Variants in RELN observed in about 807,000 individuals in gnomAD.
RELN encodes reelin.
In RELN, 108 loss-of-function variants were observed where a neutral mutation model predicts 427.6. The ratio of observed to expected loss-of-function variants is 0.25; its 90% CI spans 0.22 to 0.30. The LOEUF is 0.30. RELN is among the 10% of genes least tolerant of loss of function. The pLI is 1.00. For synonymous variants in RELN, 1,524 were observed against 1,513.4 expected, an observed-to-expected ratio of 1.01 and a Z score of -0.16; for missense variants, 3,715 against 4,302.8, an observed-to-expected ratio of 0.86 and a Z score of 3.82.
intron 44 of RELN, among the ~76,000 whole-genome samples, chr7:103,539,924 AAAGTCCCTCTATC>A (rs939526646): frequency 3.3e-5 from 5 of 152,358 alleles, no homozygotes; most frequent in African/African-American, 9.6e-5. Context: ...CACGCTTGAT[AAAGTCCCTCTATC>A]CATATGGCAG....
intron 61 of RELN, among the ~76,000 whole-genome samples, chr7:103,484,759 C>T (rs1194199866): frequency 6.6e-6 from 1 of 152,150 alleles, no homozygotes; most frequent in Non-Finnish European, 1.5e-5. Context: ...GCCAAACAGA[C>T]AGCTGAGGAC....
At chr7:103,667,289 T>C (rs182996012) in intron 11 of RELN, among the ~76,000 whole-genome samples, 1 of 152,162 alleles carries the variant, frequency 6.6e-6, no homozygotes, top group Non-Finnish European at 1.5e-5. Flanking sequence ...TCATCAGGAG[T>C]GTTAACAAAT....
chr7:103,488,096 T>C (rs930032471), intron 60 of RELN, among the ~76,000 whole-genome samples: 7 of 151,556 alleles, frequency 4.6e-5, no homozygotes, highest in African/African-American at 1.7e-4. Flanking sequence ...TGTAGTGAGC[T>C]GAGATCACAC....
chr7:103,826,367 T>C (rs552863488), intron 3 of RELN, among the ~76,000 whole-genome samples: 1 of 151,516 alleles, frequency 6.6e-6, no homozygotes, highest in African/African-American at 2.4e-5. Context: ...TGTATACACA[T>C]ACATATTTAC....
At chr7:103,707,017 C>A (rs1327393049) in intron 8 of RELN, among the ~76,000 whole-genome samples, 2 of 152,174 alleles carry the variant, frequency 1.3e-5, no homozygotes, top group African/African-American at 4.8e-5. Flanking sequence ...CTGTGTTGCA[C>A]AGGCTAGAGT....
Position 103,515,437 on chromosome 7 carries a change from C to G in RELN, c.7867G>C (p.Val2623Leu). 1 of 1,614,000 alleles carries G rather than the reference C, an allele frequency of 6.2e-7. No individual in the cohort carries two copies. The highest frequency in any genetic ancestry group is 8.5e-7 in the Non-Finnish European group (1 of 1,180,022). The part of the protein sequence containing the change: ...FYDQYSKPGF[V>L]NILLPPDAKE... Reference sequence around the variant, plus strand: ...GCATCAGGAGGGAGAAGGATATTCACAAATCTATAGGAAAATGATGGGGAA... The same window carrying G: ...GCATCAGGAGGGAGAAGGATATTCAGAAATCTATAGGAAAATGATGGGGAA... Residue 2623 changes from valine to leucine, a missense_variant, in exon 50 of 65, where the codon GTG becomes CTG. By Grantham distance (32) the Val-to-Leu change is conservative. Around this residue, in one of 4 missense-constraint regions of RELN, gnomAD observed 1,310 missense variants for 1,643.0 expected, o/e 0.80. Transcript: ENST00000428762.
chr7:103,526,838 G>A (rs1385854520), intron 46 of RELN, among the ~76,000 whole-genome samples: 16 of 151,974 alleles, frequency 1.1e-4, no homozygotes, highest in Admixed American at 4.6e-4. Context: ...GGAGTTCCTC[G>A]GCAGGTGTTA....
intron 8 of RELN, among the ~76,000 whole-genome samples, chr7:103,708,963 G>T (rs1212811514): frequency 6.6e-6 from 1 of 151,972 alleles, no homozygotes; most frequent in Non-Finnish European, 1.5e-5. Flanking sequence ...CAGAATGTTG[G>T]CCCCTCCAGA....
chr7:103,776,013 T>C (rs1791729604), intron 4 of RELN, among the ~76,000 whole-genome samples: 2 of 152,232 alleles, frequency 1.3e-5, no homozygotes, highest in Admixed American at 1.3e-4. Flanking sequence ...AACTTTTTCA[T>C]TGTGCTGTGT....
intron 16 of RELN, among the ~76,000 whole-genome samples, chr7:103,648,324 C>T (rs1042295487): frequency 2.0e-5 from 3 of 152,168 alleles, no homozygotes; most frequent in Admixed American, 6.6e-5. Flanking sequence ...CCATGTAAAA[C>T]GTGCCTGCTT....
chr7:103,741,340 T>G (rs1790649489), intron 6 of RELN, among the ~76,000 whole-genome samples: 1 of 152,084 alleles, frequency 6.6e-6, no homozygotes, highest in African/African-American at 2.4e-5. Flanking sequence ...GATGTTGCTG[T>G]AATGCTATTT....
intron 49 of RELN, among the ~76,000 whole-genome samples, chr7:103,518,366 T>C (rs1829620313): frequency 1.4e-5 from 2 of 145,236 alleles, no homozygotes; most frequent in Admixed American, 7.0e-5. Context: ...GCGGTCTTAC[T>C]CTGTCACCCA....
At chr7:103,639,590 G>A (rs1381115515) in intron 17 of RELN, among the ~76,000 whole-genome samples, 2 of 151,620 alleles carry the variant, frequency 1.3e-5, no homozygotes, top group South Asian at 2.1e-4. Flanking sequence ...AGTAGAGATC[G>A]GGTCTCACCA....
At chr7:103,522,270 T>A in intron 47 of RELN, 71 bp from the exon 48 acceptor site, 2 of 1,443,000 alleles carry the variant, frequency 1.4e-6, no homozygotes, top group East Asian at 4.6e-5. Flanking sequence ...CTCAAATTAG[T>A]GAAGACTACT....
chr7:103,604,203 C>T, intron 23 of RELN, 143 bp downstream of exon 23: 1 of 927,276 alleles, frequency 1.1e-6, no homozygotes, highest in Non-Finnish European at 1.7e-6. Flanking sequence ...ATCTAAAATA[C>T]AAACAGAAAG....
At chr7:103,893,481 G>A (rs1028708120) in intron 2 of RELN, among the ~76,000 whole-genome samples, 2 of 152,132 alleles carry the variant, frequency 1.3e-5, no homozygotes, top group Non-Finnish European at 2.9e-5. Flanking sequence ...TGTTTCCTTA[G>A]CCAAATAAGG....
intron 33 of RELN, 119 bp from the exon 34 acceptor site, chr7:103,565,670 C>T (rs1830735036): frequency 1.1e-6 from 1 of 910,340 alleles, no homozygotes; most frequent in African/African-American, 1.7e-5. Context: ...TTTAGTGCCC[C>T]CTATGTGCTT....
intron 1 of RELN, among the ~76,000 whole-genome samples, chr7:103,932,396 A>T (rs1795885885): frequency 6.6e-6 from 1 of 152,156 alleles, no homozygotes; most frequent in Non-Finnish European, 1.5e-5. Flanking sequence ...GAGGATGGAG[A>T]GTGGGAGGAG....
In RELN at chr7:103,540,276, G is replaced by A; in HGVS notation, c.6851C>T (p.Ala2284Val). 6.2e-7 allele frequency: 1 copy of A among 1,614,176 alleles called. No homozygotes were observed. Among genetic ancestry groups the A allele is most frequent in the Non-Finnish European group, 8.5e-7 (1 of 1,180,030 alleles). Residue 2284 changes from alanine (A) to valine (V), a missense_variant, in exon 44 of 65, where the codon GCC becomes GTC. By Grantham distance (64) the Ala-to-Val change is moderately conservative. Around this residue, in one of 4 missense-constraint regions of RELN, gnomAD observed 1,310 missense variants for 1,643.0 expected, o/e 0.80. Coordinates refer to ENST00000428762, the MANE Select transcript of RELN (RefSeq NM_005045.4). ...RYIALEIPLK[A>V]RSGSTRLRWW... ...GCGAAGGCGAGTAGAACCAGAACGG[G>A]CTTTCAAGGGTATCTCCAGGGCAAT...
Sources: allele counts gnomAD v4.1 joint callset (sites outside exome capture counted in the v4.1 genomes callset), GRCh38; gene constraint gnomAD v4.1.1; regional missense constraint gnomAD v4.1.1; transcripts MANE v1.5; gene names NCBI Gene and HGNC (gene_info 2026-07-23, HGNC 2026-07-21).